Variants in DUOX1 observed in about 807,000 individuals in gnomAD.
The protein encoded by DUOX1 is dual oxidase 1.
DUOX1 carries 134 observed loss-of-function variants against 181.8 expected under a neutral mutation model. The observed-to-expected ratio is 0.74, with a 90% CI of 0.64 to 0.85. The LOEUF is 0.85. DUOX1 is among the 40% of genes least tolerant of loss of function. DUOX1 has a pLI of 0.00. For synonymous variants in DUOX1, 798 were observed against 832.5 expected (o/e 0.96, Z 0.71); for missense variants, 1,814 against 2,064.4 (o/e 0.88, Z 2.35).
intron 19 of DUOX1, 106 bp downstream of exon 19, chr15:45,147,764 C>T (rs1896692607): frequency 6.4e-7 from 1 of 1,560,940 alleles, no homozygotes; most frequent in Non-Finnish European, 8.8e-7. Context: ...CCAGAAGTGC[C>T]CAGGCCGAGG....
At chr15:45,131,895 A>C (rs1443042851) in intron 1 of DUOX1, 23 bp from the exon 2 acceptor site, 4 of 1,517,736 alleles carry the variant, frequency 2.6e-6, no homozygotes, top group Admixed American at 3.3e-5. Context: ...GCTGGGGCTC[A>C]TTCTTTGCCT....
At chr15:45,139,402 AG>A in intron 11 of DUOX1, 24 bp from the exon 12 acceptor site, 1 of 1,609,784 alleles carries the variant, frequency 6.2e-7, no homozygotes. Flanking sequence ...GAGCTCCCTC[AG>A]ACTGTCTGGT....
rs747586636 is a variant in DUOX1, at chr15:45,139,623, G to A, written c.1389+24G>A. On this transcript the variant is annotated intron_variant, in intron 12 of 33. Coordinates refer to ENST00000389037, the MANE Select transcript of DUOX1 (RefSeq NM_175940.3). The stretch of plus-strand genomic sequence containing the variant: ...CTGTGAGGAGGGGTCAGGACCCAGA[G>A]GGTAGGGCGGGAGGGACAAGGCACG... The A allele has an allele frequency of 8.5e-6, 13 of 1,531,624 alleles. No homozygotes were observed. In the East Asian group the frequency reaches 2.5e-4, roughly 30 times the overall value. The allele number at this position is 1,531,624 out of a possible 1,614,324, so 94.9% of individuals were successfully genotyped here. A position where few individuals can be genotyped will look rare whatever the true frequency, so the allele number is the denominator to read the frequency against.
chr15:45,154,595 GTTTTTTTT>G (rs1193223968), intron 27 of DUOX1, among the ~76,000 whole-genome samples: 1 of 139,930 alleles, frequency 7.1e-6, no homozygotes, highest in East Asian at 2.1e-4. Context: ...ACACAGCATG[GTTTTTTTT>G]TTTTTTTTAA....
At position 45,155,892 on chromosome 15, in the gene DUOX1, G is replaced by A. The variant is rs1262002737; in HGVS notation, c.3665G>A (p.Trp1222Ter). The change falls in exon 28 of 34, where the codon TGG (tryptophan) becomes TAG (stop). Residue 1222 changes from tryptophan (W) to a stop codon, truncating the protein, a stop_gained. Coordinates refer to ENST00000389037, the MANE Select transcript of DUOX1 (RefSeq NM_175940.3). LOFTEE classifies it high-confidence loss of function. Reference protein sequence around the residue: ...HFRRRSFRGFWLTHHLYILLY... With the variant: ...HFRRRSFRGF The stretch of plus-strand genomic sequence containing the variant: ...CGCCGCCGCAGTTTCCGGGGCTTCT[G>A]GCTGACCCACCACCTCTACATCCTG... The A allele has an allele frequency of 2.5e-6, 4 of 1,614,014 alleles. No individual in the cohort carries two copies. Among genetic ancestry groups the A allele is most frequent in the Non-Finnish European group, 3.4e-6 (4 of 1,180,036 alleles).
In DUOX1 at chr15:45,148,012, A is replaced by G; in HGVS notation, c.2642+15A>G. The G allele has an allele frequency of 6.2e-7, 1 of 1,607,248 alleles. No homozygotes were observed. Among genetic ancestry groups the G allele is most frequent in the Non-Finnish European group, 8.5e-7 (1 of 1,173,804 alleles). On this transcript the variant is annotated intron_variant, in intron 20 of 33. Transcript: ENST00000389037. ...AGGATGCTGAGGTTTGTTCTCTGGG[A>G]CAGCCAGGAGAATGGGCCAGGGCAG...
chr15:45,152,619 C>T (rs760900553), intron 25 of DUOX1, 103 bp downstream of exon 25: 1 of 1,114,910 alleles, frequency 9.0e-7, no homozygotes, highest in Non-Finnish European at 1.3e-6. Context: ...CCTTTAATGT[C>T]CTTCTCCATC....
At position 45,143,262 on chromosome 15, in the gene DUOX1, G is replaced by C. The variant is rs774785917; in HGVS notation, c.1895G>C (p.Arg632Pro). Residue 632 changes from arginine (R) to proline (P), a missense_variant, in exon 16 of 34, where the codon CGC becomes CCC. Arg to Pro is a moderately radical substitution (Grantham distance 103). Transcript: ENST00000389037. ...RNFKRLQGQDRQSIVSEKLVG... is the reference protein window; with the variant it reads ...RNFKRLQGQDPQSIVSEKLVG... The stretch of plus-strand genomic sequence containing the variant: ...TTCAAGAGGCTCCAGGGCCAGGACC[G>C]CCAGAGCATCGTGTCTGAGAAGCTC... 1 of 1,614,112 alleles carries C rather than the reference G, an allele frequency of 6.2e-7. No individual in the cohort carries two copies. The highest frequency in any genetic ancestry group is 8.5e-7 in the Non-Finnish European group (1 of 1,180,006).
intron 29 of DUOX1, among the ~76,000 whole-genome samples, chr15:45,161,524 G>A (rs1648315): frequency 0.94 from 142,531 of 151,164 alleles, 67,608 homozygotes; most frequent in Non-Finnish European, 1. Context: ...CTCTCTCATC[G>A]CAGAGAGCAG....
chr15:45,130,765 T>A (rs576881080), intron 1 of DUOX1, among the ~76,000 whole-genome samples: 1 of 152,304 alleles, frequency 6.6e-6, no homozygotes, highest in African/African-American at 2.4e-5. Flanking sequence ...TTCATGCCCT[T>A]AGGGGCTGAG....
rs541209395 is a variant in DUOX1 at position 45,145,625 on chromosome 15, G to T, written c.2322+545G>T. ...GGAGTGGAGAAACATGGTAGATAAA[G>T]ATAAATATGGTCAGGTGCGGTGGCT... is the stretch of plus-strand genomic sequence containing the variant. On this transcript the variant is annotated intron_variant, in intron 18 of 33. Coordinates refer to ENST00000389037, the MANE Select transcript of DUOX1 (RefSeq NM_175940.3). 2.0e-5 allele frequency among the ~76,000 whole-genome samples: 3 copies of T among 152,224 alleles called. No homozygotes were observed. The East Asian group carries it at 5.8e-4, about 29-fold the overall frequency.
chr15:45,160,758 G>T, intron 28 of DUOX1, 79 bp from the exon 29 acceptor site: 1 of 1,422,998 alleles, frequency 7.0e-7, no homozygotes, highest in Admixed American at 2.5e-5. Flanking sequence ...GGGAAGTATG[G>T]AGGGTCTAAG....
chr15:45,150,385 A>G, intron 21 of DUOX1: 1 of 527,888 alleles, frequency 1.9e-6, no homozygotes, highest in South Asian at 2.5e-5. Context: ...GGGACTGATG[A>G]TGGACACACT....
intron 28 of DUOX1, among the ~76,000 whole-genome samples, chr15:45,157,423 C>T (rs1299103525): frequency 6.6e-6 from 1 of 152,110 alleles, no homozygotes; most frequent in Non-Finnish European, 1.5e-5. Flanking sequence ...AGAAGAGTGG[C>T]CAGGCAGGCT....
Position 45,144,934 on chromosome 15 carries a change from G to C in DUOX1, c.2176G>C (p.Val726Leu). 1 of 1,613,266 alleles carries C rather than the reference G, an allele frequency of 6.2e-7. No homozygotes were observed. Among genetic ancestry groups the C allele is most frequent in the Non-Finnish European group, 8.5e-7 (1 of 1,179,812 alleles). ...CTTGGAGGAAGAGCGGCAGGCGCTG[G>C]TGGAAAATCTCCGGGGAGCTCTGAA... ...FNLEEERQAL[V>L]ENLRGALKES... Residue 726 changes from valine to leucine, a missense_variant, in exon 18 of 34, where the codon GTG (valine) becomes CTG (leucine). Physicochemically the swap from Val to Leu is conservative, Grantham distance 32 (BLOSUM62 1). Around this residue, in one of 5 missense-constraint regions of DUOX1, gnomAD observed 1,064 missense variants for 1,152.9 expected, o/e 0.92. Coordinates refer to ENST00000389037, the MANE Select transcript of DUOX1 (RefSeq NM_175940.3).
chr15:45,156,092 C>T (rs1567019698), intron 28 of DUOX1, among the ~76,000 whole-genome samples, 163 bp downstream of exon 28: 1 of 152,194 alleles, frequency 6.6e-6, no homozygotes, highest in Non-Finnish European at 1.5e-5. Flanking sequence ...CAGGGCTCTC[C>T]ATTAGGATGA....
chr15:45,163,426 G>A, intron 31 of DUOX1, 106 bp from the exon 32 acceptor site: 1 of 1,506,608 alleles, frequency 6.6e-7, no homozygotes. Flanking sequence ...GTCTAGGGAA[G>A]GGCACAAGCT....
chr15:45,153,713 T>A, intron 26 of DUOX1: 1 of 639,310 alleles, frequency 1.6e-6, no homozygotes, highest in Non-Finnish European at 2.8e-6. Context: ...GGGTCCCATC[T>A]GGAATTCCCA....
intron 30 of DUOX1, 64 bp downstream of exon 30, chr15:45,162,034 A>C (rs1897117654): frequency 1.3e-6 from 2 of 1,510,104 alleles, no homozygotes; most frequent in Non-Finnish European, 1.8e-6. Context: ...TTGGCCCGGC[A>C]GCACTAGACT....
Sources: gnomAD v4.1 joint callset for allele counts (sites outside exome capture counted in the v4.1 genomes callset) on GRCh38, gnomAD v4.1.1 for gene constraint, gnomAD v4.1.1 regional missense constraint, MANE v1.5 for transcripts, NCBI Gene and HGNC (gene_info 2026-07-23, HGNC 2026-07-21) for gene names.